The following VPS26C variants were observed in gnomAD, a reference collection of about 807,000 sequenced individuals.
The protein encoded by VPS26C is VPS26 endosomal protein sorting factor C.
In VPS26C, 19 loss-of-function variants were observed where a neutral mutation model predicts 30.6. The ratio of observed to expected loss-of-function variants is 0.62; its 90% CI spans 0.43 to 0.91. The LOEUF (loss-of-function observed/expected upper bound fraction) is 0.91. Ranked by LOEUF, VPS26C falls within the 40% of genes least tolerant of loss-of-function variation. The probability of loss-of-function intolerance (pLI) is 0.00; values close to 1 mark genes in which losing one functional copy is unlikely to be tolerated. For synonymous variants in VPS26C, 132 were observed against 151.5 expected (o/e 0.87, Z 0.95); for missense variants, 318 against 385.1 (o/e 0.83, Z 1.46).
At chr21:37,231,054 G>A (rs1354014745) in intron 5 of VPS26C, among the ~76,000 whole-genome samples, 2 of 152,188 alleles carry the variant, frequency 1.3e-5, no homozygotes, top group East Asian at 1.9e-4. Context: ...AGGGCAGAGC[G>A]CCTCTGATGA....
intron 4 of VPS26C, 113 bp from the exon 5 acceptor site, chr21:37,232,564 C>T (rs75487613): frequency 0.022 from 19,910 of 889,080 alleles, 1,210 homozygotes; most frequent in Admixed American, 0.15. Flanking sequence ...GCAGGAAGGA[C>T]GGGGAACTAA....
At chr21:37,229,507 T>C (rs1018292250) in intron 5 of VPS26C, 1 of 152,230 alleles carries the variant, frequency 6.6e-6, no homozygotes, top group African/African-American at 2.4e-5. Flanking sequence ...AGAAACATAA[T>C]GCAAGCTGCG....
chr21:37,243,754 A>C (rs1187112957), intron 1 of VPS26C, among the ~76,000 whole-genome samples: 1 of 152,174 alleles, frequency 6.6e-6, no homozygotes, highest in Non-Finnish European at 1.5e-5. Flanking sequence ...CTAGAGCTTA[A>C]CAATGGAGAG....
chr21:37,223,524 C>T lies in VPS26C; in HGVS notation c.*2020G>A, dbSNP rs2085869345. 6.6e-6 allele frequency: 1 copy of T among 152,236 alleles called. No homozygotes were observed. Among genetic ancestry groups the T allele is most frequent in the Admixed American group, 6.5e-5 (1 of 15,284 alleles). The allele number at this position is 152,236 out of a possible 1,614,324, so 9.4% of individuals were successfully genotyped here. A position where few individuals can be genotyped will look rare whatever the true frequency, so the allele number is the denominator to read the frequency against. ...TTTTAAATTCGTTAAATATTTTCAT[C>T]TCATTAAAAATGGTTTCTTCCTTTA... On this transcript the variant is annotated 3_prime_UTR_variant, in exon 8 of 8. Transcript: ENST00000309117.
chr21:37,251,775 C>T (rs184863227), intron 1 of VPS26C, among the ~76,000 whole-genome samples: 2 of 152,174 alleles, frequency 1.3e-5, no homozygotes, highest in African/African-American at 4.8e-5. Flanking sequence ...GTACAAAGTT[C>T]TAAGCCTCTT....
intron 2 of VPS26C, among the ~76,000 whole-genome samples, chr21:37,239,072 C>T (rs994765264): frequency 1.3e-5 from 2 of 152,174 alleles, no homozygotes; most frequent in Non-Finnish European, 1.5e-5. Context: ...CTGCTGCAGC[C>T]GCTCAGGGAG....
In VPS26C at chr21:37,245,083, A is replaced by G. The variant is rs372640731; in HGVS notation, c.58-4444T>C. Among the ~76,000 whole-genome samples the G allele has an allele frequency of 1.6e-4, 24 of 152,352 alleles. No homozygotes were observed. In the East Asian group the frequency reaches 2.9e-3, roughly 18 times the overall value. On this transcript the variant is annotated intron_variant, in intron 1 of 7. Transcript: ENST00000309117. ...AACACTCCAGCCAGCCTGGTCTAGG[A>G]ATAAATTCATCTCCTGCAAGGAGAG...
At chr21:37,262,014 TA>T (rs903087780) in intron 1 of VPS26C, 1 of 152,036 alleles carries the variant, frequency 6.6e-6, no homozygotes, top group Admixed American at 6.5e-5. Flanking sequence ...TCTACATTTT[TA>T]AAAAGGAGGC....
intron 1 of VPS26C, among the ~76,000 whole-genome samples, chr21:37,242,750 G>A (rs1027501007): frequency 1.3e-5 from 2 of 152,080 alleles, no homozygotes; most frequent in Admixed American, 6.6e-5. Flanking sequence ...AACCCTTTCC[G>A]TCAGTCTCAC....
chr21:37,254,898 G>T (rs776362496), intron 1 of VPS26C, among the ~76,000 whole-genome samples: 1 of 152,116 alleles, frequency 6.6e-6, no homozygotes, highest in Non-Finnish European at 1.5e-5. Flanking sequence ...ACGGAACAGG[G>T]TCTCTGCTTC....
intron 1 of VPS26C, among the ~76,000 whole-genome samples, chr21:37,245,162 A>AGTGGGAAGGGAAAGGAAGG (rs1170260965): frequency 3.3e-5 from 5 of 152,166 alleles, no homozygotes; most frequent in African/African-American, 1.2e-4. Context: ...AAAAAATGAG[A>AGTGGGAAGGGAAAGGAAGG]GTGGGAAGGG....
chr21:37,232,269 CG>C lies in VPS26C; in HGVS notation c.507+107del, dbSNP rs1294373422. 9.3e-6 allele frequency: 8 copies of C among 862,690 alleles called. No individual in the cohort carries two copies. In the African/African-American group the frequency reaches 1.2e-4, roughly 13 times the overall value. The allele number at this position is 862,690 out of a possible 1,614,324, so 53.4% of individuals were successfully genotyped here. ...TTTGGGTACAATCAGAAATCTCTGCCGGCTGATGACGTGATTTCCAAATGAA... is the reference window on the plus strand; with the variant it reads ...TTTGGGTACAATCAGAAATCTCTGCCGCTGATGACGTGATTTCCAAATGAA... On this transcript the variant is annotated intron_variant, in intron 5 of 7. Coordinates refer to ENST00000309117, the MANE Select transcript of VPS26C (RefSeq NM_006052.2).
intron 1 of VPS26C, among the ~76,000 whole-genome samples, chr21:37,263,055 G>A (rs931675765): frequency 1.3e-5 from 2 of 151,988 alleles, no homozygotes; most frequent in South Asian, 4.1e-4. Context: ...GTGAGTCACC[G>A]CACCCAGCTG....
intron 1 of VPS26C, among the ~76,000 whole-genome samples, chr21:37,241,077 G>A (rs1002950974): frequency 1.3e-5 from 2 of 152,198 alleles, no homozygotes; most frequent in African/African-American, 4.8e-5. Context: ...TCTCAATAGC[G>A]CTGACTAAAA....
At chr21:37,260,921 G>A (rs1452741004) in intron 1 of VPS26C, among the ~76,000 whole-genome samples, 3 of 152,146 alleles carry the variant, frequency 2.0e-5, no homozygotes, top group Admixed American at 2.0e-4. Flanking sequence ...AATCCATAAT[G>A]TGCCTACAAT....
chr21:37,263,342 G>A (rs565595964), intron 1 of VPS26C, among the ~76,000 whole-genome samples: 2 of 152,184 alleles, frequency 1.3e-5, no homozygotes, highest in African/African-American at 2.4e-5. Flanking sequence ...GCACTCCTAC[G>A]AAATGAATAA....
At chr21:37,267,215 C>T in intron 1 of VPS26C, 23 bp downstream of exon 1, 1 of 528,606 alleles carries the variant, frequency 1.9e-6, no homozygotes, top group South Asian at 1.5e-5. Context: ...CCACCTCCAT[C>T]CCCACCCCCA....
In VPS26C at chr21:37,226,146, C is replaced by A; in HGVS notation, c.812-520G>T. On this transcript the variant is annotated intron_variant, in intron 7 of 7. Coordinates refer to ENST00000309117, the MANE Select transcript of VPS26C (RefSeq NM_006052.2). This position sits in a 1 kb window ranked among gnomAD's most constrained non-coding sequence, Gnocchi z 4.1. ...CCTTTCAGCAAACAGGATTCCTTCTCCACCGACTCTTCAGCTGATATGGGT... is the reference window on the plus strand; with the variant it reads ...CCTTTCAGCAAACAGGATTCCTTCTACACCGACTCTTCAGCTGATATGGGT... 2.5e-5 allele frequency: 4 copies of A among 157,226 alleles called. No individual in the cohort carries two copies. Among genetic ancestry groups the A allele is most frequent in the Non-Finnish European group, 4.3e-5 (3 of 70,580 alleles). 9.7% of individuals were successfully genotyped at this position (157,226 alleles called of 1,614,324 possible).
At chr21:37,267,654 C>A (rs774812598), upstream of VPS26C, 116 of 291,300 alleles carry the variant, frequency 4.0e-4, no homozygotes, top group Non-Finnish European at 6.7e-4. Flanking sequence ...CGGCTCTCCC[C>A]GCGTGCCCCG....
Sources: gnomAD v4.1 joint callset for allele counts (sites outside exome capture counted in the v4.1 genomes callset) on GRCh38, gnomAD v4.1.1 for gene constraint, Gnocchi (gnomAD v3.1) non-coding constraint, MANE v1.5 for transcripts, NCBI Gene and HGNC (gene_info 2026-07-23, HGNC 2026-07-21) for gene names.